CFAP92: variants seen among roughly 807,000 people sequenced by gnomAD.
CFAP92 encodes the protein cilia and flagella associated protein 92 (putative), also known as uncharacterized protein CFAP92.
CFAP92 carries 86 observed loss-of-function variants against 106.3 expected under a neutral mutation model. The ratio of observed to expected loss-of-function variants is 0.81; its 90% CI spans 0.68 to 0.97. CFAP92 has a LOEUF of 0.97. Among genes scored for constraint, CFAP92 ranks in the 50% least tolerant of loss-of-function variants. The probability of loss-of-function intolerance (pLI) is 0.00; values close to 1 mark genes in which losing one functional copy is unlikely to be tolerated. For synonymous variants in CFAP92, 477 were observed against 506.4 expected (o/e 0.94, Z 0.78); for missense variants, 1,204 against 1,283.8 (o/e 0.94, Z 0.95).
At chr3:129,005,675 G>T (rs1945042292), upstream of CFAP92, among the ~76,000 whole-genome samples, 1 of 152,216 alleles carries the variant, frequency 6.6e-6, no homozygotes, top group Non-Finnish European at 1.5e-5. Flanking sequence ...CCCAGGCTGG[G>T]GGTGGAGCAG....
intron 12 of CFAP92, among the ~76,000 whole-genome samples, chr3:128,925,364 G>T (rs1338006809): frequency 6.6e-6 from 1 of 152,168 alleles, no homozygotes; most frequent in African/African-American, 2.4e-5. Context: ...AGCTCAGGTG[G>T]TAATGCTCAC....
intron 12 of CFAP92, among the ~76,000 whole-genome samples, chr3:128,931,730 A>G (rs1938417869): frequency 6.6e-6 from 1 of 152,012 alleles, no homozygotes; most frequent in South Asian, 2.1e-4. Flanking sequence ...TTTTCCACTA[A>G]TGGAAAAAAC....
In CFAP92 at chr3:128,993,107, G is replaced by A. The variant is rs753909976; in HGVS notation, c.198C>T (p.Ser66=). The A allele has an allele frequency of 3.1e-6, 5 of 1,614,004 alleles. No individual in the cohort carries two copies. The African/African-American group carries it at 6.7e-5, about 22-fold the overall frequency. ...AGGGGACCACGTGGGGCACGTCGGA[G>A]CTGAAAGTGCTGGCAGGCTCAGATG... ...ESSSEPASTF[S]SDVPHVVPCK... The change falls in exon 2 of 16, where the codon AGC becomes AGT. Residue 66 remains serine (S), a synonymous_variant. Coordinates refer to ENST00000645291, the MANE Select transcript of CFAP92 (RefSeq NM_001394090.1).
the CFAP92 span, among the ~76,000 whole-genome samples, chr3:129,009,185 T>C: frequency 6.6e-6 from 1 of 152,216 alleles, no homozygotes; most frequent in Non-Finnish European, 1.5e-5. Flanking sequence ...GTTTTCTCTC[T>C]CTTTTCTTCC....
intron 9 of CFAP92, among the ~76,000 whole-genome samples, chr3:128,948,358 C>T (rs948575178): frequency 9.2e-5 from 13 of 141,620 alleles, no homozygotes; most frequent in Non-Finnish European, 1.5e-4. Context: ...CCATGCCCCA[C>T]TAATTTTTCT....
At chr3:128,958,817 C>A (rs1941645088) in intron 9 of CFAP92, among the ~76,000 whole-genome samples, 1 of 152,136 alleles carries the variant, frequency 6.6e-6, no homozygotes, top group Non-Finnish European at 1.5e-5. Flanking sequence ...AGGAGGATCA[C>A]CTGAGCCCAG....
chr3:128,979,950 ATAT>A (rs897995737), intron 4 of CFAP92, among the ~76,000 whole-genome samples: 47 of 51,870 alleles, frequency 9.1e-4, no homozygotes, highest in Non-Finnish European at 8.1e-5. Flanking sequence ...GTATAATAAT[ATAT>A]ATATATATAT....
chr3:128,911,442 CTT>C (rs59553192), intron 15 of CFAP92, among the ~76,000 whole-genome samples: 2 of 151,568 alleles, frequency 1.3e-5, no homozygotes, highest in East Asian at 2.0e-4. Flanking sequence ...GCTGTATTCT[CTT>C]TTTTTTGGAG....
intron 15 of CFAP92, chr3:128,912,455 G>A (rs1385922360): frequency 1.9e-6 from 3 of 1,540,498 alleles, no homozygotes; most frequent in African/African-American, 2.7e-5. Flanking sequence ...AGCCATGTTT[G>A]TCTTATCACG....
At chr3:129,015,586 C>T in the CFAP92 span, among the ~76,000 whole-genome samples, 3 of 135,388 alleles carry the variant, frequency 2.2e-5, no homozygotes, top group Non-Finnish European at 4.8e-5. Flanking sequence ...CCCTGCACGG[C>T]GCCCCCGAGA....
chr3:129,024,396 T>C, the CFAP92 span, among the ~76,000 whole-genome samples: 1 of 151,982 alleles, frequency 6.6e-6, no homozygotes, highest in Non-Finnish European at 1.5e-5. Flanking sequence ...CCAGGCATGG[T>C]TGCACACACC....
intron 1 of CFAP92, chr3:129,001,603 G>C: frequency 2.1e-5 from 29 of 1,355,012 alleles, no homozygotes; most frequent in Non-Finnish European, 2.6e-5. Flanking sequence ...AGGAGGGACC[G>C]GAGGAGCGAG....
At chr3:128,934,293 C>T (rs1938743820) in intron 11 of CFAP92, among the ~76,000 whole-genome samples, 2 of 152,214 alleles carry the variant, frequency 1.3e-5, no homozygotes, top group African/African-American at 4.8e-5. Context: ...AATCTCGGCT[C>T]ACTGCAACCT....
At position 128,945,649 on chromosome 3, in the gene CFAP92, C is replaced by T. The variant is rs1178549488; in HGVS notation, c.1680G>A (p.Trp560Ter). ...TGACCTGGGCGATGCCATAAGGGTA[C>T]CACATCTTGTTCTGGGACTCAAAGG... ...NNPFESQNKM[W>*]YPYGIAQVSF... Residue 560 changes from tryptophan (W) to a stop codon, truncating the protein, a stop_gained, in exon 10 of 16, where the codon TGG (tryptophan) becomes TGA (stop). Transcript: ENST00000645291. LOFTEE classifies it high-confidence loss of function. 6.5e-7 allele frequency: 1 copy of T among 1,535,962 alleles called. No homozygotes were observed. Among genetic ancestry groups the T allele is most frequent in the East Asian group, 2.4e-5 (1 of 40,920 alleles).
the CFAP92 span, among the ~76,000 whole-genome samples, chr3:129,012,706 G>T: frequency 1.3e-5 from 2 of 152,304 alleles, no homozygotes; most frequent in South Asian, 4.1e-4. Context: ...ATAGAAGTGG[G>T]ACAACTCCCA....
the CFAP92 span, among the ~76,000 whole-genome samples, chr3:129,013,105 G>A: frequency 1.2e-4 from 18 of 152,284 alleles, no homozygotes; most frequent in East Asian, 3.3e-3. Flanking sequence ...CACATGACCT[G>A]GCCTAAGTCA....
At chr3:128,998,263 T>C (rs1269831093), upstream of CFAP92, among the ~76,000 whole-genome samples, 1 of 152,254 alleles carries the variant, frequency 6.6e-6, no homozygotes. Context: ...ATTTTCTTAA[T>C]AGTGTCTTTT....
intron 4 of CFAP92, among the ~76,000 whole-genome samples, chr3:128,980,273 G>A (rs1460225248): frequency 6.6e-6 from 1 of 151,298 alleles, no homozygotes; most frequent in African/African-American, 2.4e-5. Context: ...AGGCTGAGGT[G>A]GGAGGGCTGC....
chr3:128,951,773 G>GC, intron 9 of CFAP92, among the ~76,000 whole-genome samples: 1 of 152,182 alleles, frequency 6.6e-6, no homozygotes, highest in East Asian at 1.9e-4. Context: ...AAAAAATCAT[G>GC]CCCCACCCCA....
Sources: allele counts gnomAD v4.1 joint callset (sites outside exome capture counted in the v4.1 genomes callset), GRCh38; gene constraint gnomAD v4.1.1; transcripts MANE v1.5; gene names NCBI Gene and HGNC (gene_info 2026-07-23, HGNC 2026-07-21).